ETV4: variants seen among roughly 807,000 people sequenced by gnomAD.
ETV4 encodes ETS variant transcription factor 4, also known as ETS translocation variant 4.
A neutral mutation model predicts 65.9 loss-of-function variants in ETV4; 42 were observed. The observed-to-expected ratio is 0.64, with a 90% CI of 0.50 to 0.82. ETV4 has a LOEUF of 0.82. Ranked by LOEUF, ETV4 falls within the 40% of genes least tolerant of loss-of-function variation. The pLI is 0.00. For missense variants in ETV4, 583 were observed against 630.3 expected (o/e 0.92, Z 0.80); for synonymous variants, 238 against 260.0 (o/e 0.92, Z 0.81).
At chr17:43,539,418 C>T (rs1454817065) in intron 4 of ETV4, among the ~76,000 whole-genome samples, 1 of 152,140 alleles carries the variant, frequency 6.6e-6, no homozygotes, top group Admixed American at 6.6e-5. Context: ...CTCTCTATTG[C>T]ATCTATGTTT....
At position 43,532,849 on chromosome 17, in the gene ETV4, C is replaced by G. The variant is rs1286472520; in HGVS notation, c.636G>C (p.Gln212His). ...GATAGGGTGGGCAGGGCTCCGACAG[C>G]TGGTGTTGGTAGGGGGCTGGGAGGG... ...REPLPAPYQH[Q>H]LSEPCPPYPQ... The change falls in exon 8 of 13, where the codon CAG becomes CAC. Residue 212 changes from glutamine to histidine, a missense_variant. Coordinates refer to ENST00000319349, the MANE Select transcript of ETV4 (RefSeq NM_001079675.5). 6.2e-7 allele frequency: 1 copy of G among 1,613,526 alleles called. No individual in the cohort carries two copies. The highest frequency in any genetic ancestry group is 8.5e-7 in the Non-Finnish European group (1 of 1,179,684).
At chr17:43,534,955 A>G (rs1288815836) in intron 5 of ETV4, among the ~76,000 whole-genome samples, 2 of 152,212 alleles carry the variant, frequency 1.3e-5, no homozygotes, top group Admixed American at 6.5e-5. Flanking sequence ...ATAAATAAAT[A>G]AAAGAATCTT....
chr17:43,537,006 G>A (rs1971277099), intron 4 of ETV4, among the ~76,000 whole-genome samples: 1 of 152,160 alleles, frequency 6.6e-6, no homozygotes. Flanking sequence ...CTCCCTTAAA[G>A]CTCACAACAG....
At chr17:43,531,535 C>T (rs914232935) in intron 8 of ETV4, among the ~76,000 whole-genome samples, 1 of 152,170 alleles carries the variant, frequency 6.6e-6, no homozygotes, top group African/African-American at 2.4e-5. Context: ...GAAACCCCGT[C>T]TCTACTAAAA....
At chr17:43,530,635 T>TGTGA (rs765730921) in intron 8 of ETV4, among the ~76,000 whole-genome samples, 111 of 149,838 alleles carry the variant, frequency 7.4e-4, no homozygotes, top group Admixed American at 1.7e-3. Flanking sequence ...TGTGTGTGTG[T>TGTGA]GACAGAAACA....
At chr17:43,542,715 C>T (rs930435293) in intron 4 of ETV4, among the ~76,000 whole-genome samples, 6 of 152,204 alleles carry the variant, frequency 3.9e-5, no homozygotes, top group African/African-American at 1.4e-4. Context: ...CCTGCAACCA[C>T]ACTGGAATCT....
intron 4 of ETV4, among the ~76,000 whole-genome samples, chr17:43,542,042 A>C (rs990118910): frequency 3.3e-5 from 5 of 152,144 alleles, no homozygotes; most frequent in African/African-American, 1.2e-4. Context: ...CCCTCCATGC[A>C]TGCCCTCCAC....
intron 4 of ETV4, among the ~76,000 whole-genome samples, chr17:43,542,892 C>T (rs1971592565): frequency 6.6e-6 from 1 of 152,120 alleles, no homozygotes; most frequent in Non-Finnish European, 1.5e-5. Context: ...CTAATGCGTC[C>T]CACCACTGGC....
Position 43,539,145 on chromosome 17 carries a change from C to G in ETV4, c.203-2666G>C, listed in dbSNP as rs1971396259. Among the ~76,000 whole-genome samples the G allele has an allele frequency of 2.0e-5, 3 of 152,272 alleles. No individual in the cohort carries two copies. The South Asian group carries it at 6.2e-4, about 32-fold the overall frequency. ...AATCATTTCTCTCTGTTATTTAAAG[C>G]ATGAAATCCAAACGCTTGCCCTTGG... On this transcript the variant is annotated intron_variant, in intron 4 of 12. Transcript: ENST00000319349.
At chr17:43,528,769 A>G in intron 12 of ETV4, 26 bp from the exon 13 acceptor site, 1 of 1,597,882 alleles carries the variant, frequency 6.3e-7, no homozygotes, top group Non-Finnish European at 8.6e-7. Context: ...AGGTCTGGTC[A>G]GCCTGGCTAG....
Position 43,536,003 on chromosome 17 carries a change from C to G in ETV4, c.256+423G>C, listed in dbSNP as rs576496714. On this transcript the variant is annotated intron_variant, in intron 5 of 12. Coordinates refer to ENST00000319349, the MANE Select transcript of ETV4 (RefSeq NM_001079675.5). ...GTGCATGCCTGTAATCCCAGCTACTCTGGAAGCTGAGGCAGGAGAATGGCT... is the reference window on the plus strand; with the variant it reads ...GTGCATGCCTGTAATCCCAGCTACTGTGGAAGCTGAGGCAGGAGAATGGCT... Among the ~76,000 whole-genome samples the G allele has an allele frequency of 4.1e-4, 62 of 152,294 alleles. 1 individual carries two copies. The South Asian group carries it at 0.012, about 30-fold the overall frequency.
Position 43,544,958 on chromosome 17 carries a change from G to T in ETV4, c.202+17C>A, listed in dbSNP as rs372938890. ...TGTCCAGCCTCCCAAAATAGAAAAG[G>T]TCACAAAACTACTCACCTTCAGCGA... On this transcript the variant is annotated intron_variant, in intron 4 of 12. Coordinates refer to ENST00000319349, the MANE Select transcript of ETV4 (RefSeq NM_001079675.5). 315 of 1,613,204 alleles carry T rather than the reference G, an allele frequency of 2.0e-4. No homozygotes were observed. Among genetic ancestry groups the T allele is most frequent in the Non-Finnish European group, 2.5e-4 (298 of 1,179,404 alleles).
In ETV4 at chr17:43,539,670, G is replaced by C. The variant is rs1232481031; in HGVS notation, c.203-3191C>G. On this transcript the variant is annotated intron_variant, in intron 4 of 12. Transcript: ENST00000319349. ...CCTCAGGCTGGCAGAAGTCAGCACTGTGGGCCTGAGGGCATGCACTGAAGA... is the reference window on the plus strand; with the variant it reads ...CCTCAGGCTGGCAGAAGTCAGCACTCTGGGCCTGAGGGCATGCACTGAAGA... Among the ~76,000 whole-genome samples the C allele has an allele frequency of 3.9e-5, 6 of 152,202 alleles. No individual in the cohort carries two copies. In the East Asian group the frequency reaches 9.6e-4, roughly 24 times the overall value.
At chr17:43,542,789 A>G (rs567003288) in intron 4 of ETV4, among the ~76,000 whole-genome samples, 15 of 152,062 alleles carry the variant, frequency 9.9e-5, no homozygotes, top group Admixed American at 3.9e-4. Context: ...ACCCACCCAC[A>G]CTACCAGGAC....
Position 43,533,911 on chromosome 17 carries a change from T to G in ETV4, c.331A>C (p.Ser111Arg). 6.3e-7 allele frequency: 1 copy of G among 1,594,946 alleles called. No individual in the cohort carries two copies. Among genetic ancestry groups the G allele is most frequent in the Non-Finnish European group, 8.5e-7 (1 of 1,173,376 alleles). The part of the protein sequence containing the change: ...SPRTDPALSC[S>R]RKPPLPYHHG... ...TGGTAGGGGAGTGGCGGCTTCCTGC[T>G]GCAGGACAGGGCCGGGTCTGTGCGG... is the stretch of plus-strand genomic sequence containing the variant. Residue 111 changes from serine to arginine, a missense_variant, in exon 6 of 13, where the codon AGC (serine) becomes CGC (arginine). Physicochemically the swap from Ser to Arg is moderately radical, Grantham distance 110. Coordinates refer to ENST00000319349, the MANE Select transcript of ETV4 (RefSeq NM_001079675.5).
At chr17:43,545,700 G>A (rs911021339) in intron 1 of ETV4, 32 bp from the exon 2 acceptor site, 13 of 1,201,604 alleles carry the variant, frequency 1.1e-5, no homozygotes, top group African/African-American at 1.5e-5. Context: ...TTCGCACACC[G>A]TCCAGGGAGG....
chr17:43,543,358 C>T (rs1196881921), intron 4 of ETV4, among the ~76,000 whole-genome samples: 1 of 151,688 alleles, frequency 6.6e-6, no homozygotes, highest in Non-Finnish European at 1.5e-5. Flanking sequence ...CCTCTCCAGA[C>T]CCCTGGCCAA....
intron 4 of ETV4, among the ~76,000 whole-genome samples, chr17:43,537,090 G>C (rs962281559): frequency 1.3e-5 from 2 of 152,216 alleles, no homozygotes. Context: ...AGGCGGCCAG[G>C]CATGGTGGCT....
Position 43,545,331 on chromosome 17 carries a change from T to A in ETV4, c.97A>T (p.Ile33Phe). 6.2e-7 allele frequency: 1 copy of A among 1,607,902 alleles called. No homozygotes were observed. The highest frequency in any genetic ancestry group is 1.1e-5 in the South Asian group (1 of 90,178). ...TCCATGAGCTTCCCCAGCGGGCCGA[T>A]CAGCGCTTCGCGCAAGCTCCCATTT... ...PGNGSLREALIGPLGKLMDPG... is the reference protein window; with the variant it reads ...PGNGSLREALFGPLGKLMDPG... Residue 33 changes from isoleucine (I) to phenylalanine (F), a missense_variant, in exon 3 of 13, where the codon ATC (isoleucine) becomes TTC (phenylalanine). Ile to Phe is a conservative substitution (Grantham distance 21). Transcript: ENST00000319349.
Sources: allele counts gnomAD v4.1 joint callset (sites outside exome capture counted in the v4.1 genomes callset), GRCh38; gene constraint gnomAD v4.1.1; transcripts MANE v1.5; gene names NCBI Gene and HGNC (gene_info 2026-07-23, HGNC 2026-07-21).